Variants in SDK1 observed in about 807,000 individuals in gnomAD.
SDK1 encodes protein sidekick-1.
SDK1 carries 157 observed loss-of-function variants against 245.5 expected under a neutral mutation model. The ratio of observed to expected loss-of-function variants is 0.64; its 90% CI spans 0.56 to 0.73. SDK1 has a LOEUF of 0.73. Ranked by LOEUF, SDK1 falls within the 30% of genes least tolerant of loss-of-function variation. The probability of loss-of-function intolerance (pLI) is 0.00; values close to 1 mark genes in which losing one functional copy is unlikely to be tolerated. For missense variants in SDK1, 3,583 were observed against 3,002.3 expected, an observed-to-expected ratio of 1.19 and a Z score of -4.52; for synonymous variants, 1,647 against 1,278.5, an observed-to-expected ratio of 1.29 and a Z score of -6.15.
At chr7:3,399,482 A>G (rs370807833) in intron 1 of SDK1, among the ~76,000 whole-genome samples, 64 of 152,200 alleles carry the variant, frequency 4.2e-4, no homozygotes, top group Middle Eastern at 6.8e-3. Flanking sequence ...ACATTCCTAT[A>G]TCTTTGCATG....
chr7:3,918,917 C>G (rs183281105), intron 5 of SDK1, among the ~76,000 whole-genome samples: 8 of 152,320 alleles, frequency 5.3e-5, no homozygotes, highest in African/African-American at 1.9e-4. Flanking sequence ...CCACATTTCA[C>G]TGCTTTTCAG....
At chr7:3,962,547 C>G in intron 8 of SDK1, 110 bp from the exon 9 acceptor site, 1 of 988,056 alleles carries the variant, frequency 1.0e-6, no homozygotes, top group Non-Finnish European at 1.5e-6. Context: ...CACGAATACA[C>G]AAGAAAATGC....
intron 1 of SDK1, among the ~76,000 whole-genome samples, chr7:3,613,202 T>C (rs1050805966): frequency 2.0e-5 from 3 of 152,122 alleles, no homozygotes; most frequent in Non-Finnish European, 4.4e-5. Context: ...CCCCCTTTCT[T>C]GATGTTAGGG....
At chr7:4,063,457 A>G (rs1342922288) in intron 19 of SDK1, among the ~76,000 whole-genome samples, 1 of 152,194 alleles carries the variant, frequency 6.6e-6, no homozygotes, top group African/African-American at 2.4e-5. Flanking sequence ...GAAACTGAAG[A>G]AGACACAAGT....
chr7:4,222,405 C>T (rs910801918), intron 40 of SDK1, among the ~76,000 whole-genome samples: 1 of 152,198 alleles, frequency 6.6e-6, no homozygotes, highest in Non-Finnish European at 1.5e-5. Context: ...AGCAATTCTC[C>T]TGCCTCAGCC....
intron 5 of SDK1, among the ~76,000 whole-genome samples, chr7:3,886,992 C>T (rs1781353461): frequency 6.6e-6 from 1 of 152,192 alleles, no homozygotes; most frequent in South Asian, 2.1e-4. Flanking sequence ...TGAAGAGAAA[C>T]CAATGAGGCT....
At chr7:3,633,771 T>A (rs548748594) in intron 2 of SDK1, among the ~76,000 whole-genome samples, 34 of 152,302 alleles carry the variant, frequency 2.2e-4, no homozygotes, top group Non-Finnish European at 4.0e-4. Context: ...ACCAACTTTC[T>A]CTTGTGTGAG....
chr7:3,389,559 G>A (rs1227288146), intron 1 of SDK1, among the ~76,000 whole-genome samples: 2 of 152,136 alleles, frequency 1.3e-5, no homozygotes, highest in East Asian at 1.9e-4. Context: ...ATAAAGGTAT[G>A]TTATTTTAAG....
In SDK1 at chr7:3,755,910, CAT is replaced by C. The variant is rs368818176; in HGVS notation, c.714-65539_714-65538del. On this transcript the variant is annotated intron_variant, in intron 4 of 44. Coordinates refer to ENST00000404826, the MANE Select transcript of SDK1 (RefSeq NM_152744.4). ...TGTTGCATGTTTTGAATCTGACTCA[CAT>C]GGCATAGCACGTGTGACACATGTAT... is the stretch of plus-strand genomic sequence containing the variant. Among the ~76,000 whole-genome samples, 160 of 151,352 alleles carry C rather than the reference CAT, an allele frequency of 1.1e-3. 1 individual carries two copies. The highest frequency in any genetic ancestry group is 6.5e-3 in the South Asian group (31 of 4,756).
At chr7:3,977,540 C>A (rs1193256188) in intron 13 of SDK1, among the ~76,000 whole-genome samples, 1 of 152,264 alleles carries the variant, frequency 6.6e-6, no homozygotes, top group Non-Finnish European at 1.5e-5. Context: ...TGAGCCCCAG[C>A]CATCCACTGT....
intron 4 of SDK1, among the ~76,000 whole-genome samples, chr7:3,817,438 A>G (rs1454371973): frequency 6.6e-6 from 1 of 152,226 alleles, no homozygotes; most frequent in Non-Finnish European, 1.5e-5. Flanking sequence ...ATAGTGAAAC[A>G]GTTACTTGAT....
chr7:3,997,106 C>G (rs766663240), intron 14 of SDK1, among the ~76,000 whole-genome samples: 58 of 152,318 alleles, frequency 3.8e-4, no homozygotes, highest in Admixed American at 6.5e-4. Flanking sequence ...CTTCTTCTGA[C>G]TTCTGTCACC....
At chr7:3,893,085 C>G (rs1411617480) in intron 5 of SDK1, among the ~76,000 whole-genome samples, 1 of 152,194 alleles carries the variant, frequency 6.6e-6, no homozygotes, top group Non-Finnish European at 1.5e-5. Context: ...CCCTCTGACT[C>G]TGTTTCCTCA....
intron 4 of SDK1, among the ~76,000 whole-genome samples, chr7:3,721,418 A>C (rs1778793872): frequency 6.6e-6 from 1 of 152,014 alleles, no homozygotes; most frequent in African/African-American, 2.4e-5. Flanking sequence ...ATTTCTTTGA[A>C]CTCCTCGTAA....
Position 3,821,578 on chromosome 7 carries a change from T to C in SDK1, c.842T>C (p.Ile281Thr), listed in dbSNP as rs1191124053. 2 of 1,612,398 alleles carry C rather than the reference T, an allele frequency of 1.2e-6. No individual in the cohort carries two copies. The highest frequency in any genetic ancestry group is 1.3e-5 in the African/African-American group (1 of 74,826). ...NKTSPFIHLSIARDVGTPETM... is the reference protein window; with the variant it reads ...NKTSPFIHLSTARDVGTPETM... ...ACAAGCCCATTCATTCATTTGAGCA[T>C]AGCAAGTGAGTTTTGAAATCCCAAA... Residue 281 changes from isoleucine to threonine, a missense_variant, in exon 5 of 45, where the codon ATA (isoleucine) becomes ACA (threonine). By Grantham distance (89) the Ile-to-Thr change is moderately conservative. Coordinates refer to ENST00000404826, the MANE Select transcript of SDK1 (RefSeq NM_152744.4).
At chr7:3,843,727 A>G (rs181423850) in intron 5 of SDK1, among the ~76,000 whole-genome samples, 163 of 152,338 alleles carry the variant, frequency 1.1e-3, no homozygotes, top group Non-Finnish European at 2.4e-4. Context: ...CGATGAAGCC[A>G]TCGGGACGCT....
At chr7:3,816,259 A>C (rs1377876140) in intron 4 of SDK1, among the ~76,000 whole-genome samples, 2 of 152,062 alleles carry the variant, frequency 1.3e-5, no homozygotes, top group Admixed American at 1.3e-4. Context: ...GCAGAACTGA[A>C]GGAAAGAGAG....
rs1193435361 is a variant in SDK1 at position 3,962,678 on chromosome 7, A to G, written c.1256A>G (p.Gln419Arg). The change falls in exon 9 of 45, where the codon CAG becomes CGG. Residue 419 changes from glutamine (Q) to arginine (R), a missense_variant. Gln to Arg is a conservative substitution (Grantham distance 43, BLOSUM62 1). Transcript: ENST00000404826. Reference protein sequence around the residue: ...QAMGVPLPTLQWYKDAISISR... With the variant: ...QAMGVPLPTLRWYKDAISISR... Reference sequence around the variant, plus strand: ...GCAGGGGTCCCCCTTCCCACCCTCCAGTGGTACAAGGATGCCATCTCCATC... The same window carrying G: ...GCAGGGGTCCCCCTTCCCACCCTCCGGTGGTACAAGGATGCCATCTCCATC... The G allele has an allele frequency of 6.2e-7, 1 of 1,612,750 alleles. No individual in the cohort carries two copies. Among genetic ancestry groups the G allele is most frequent in the Admixed American group, 1.7e-5 (1 of 59,830 alleles).
At chr7:3,442,594 T>C (rs1780226255) in intron 1 of SDK1, among the ~76,000 whole-genome samples, 1 of 152,218 alleles carries the variant, frequency 6.6e-6, no homozygotes, top group South Asian at 2.1e-4. Context: ...ACTCTGCCCT[T>C]TTCTAACTTT....
Sources: gnomAD v4.1 joint callset for allele counts (sites outside exome capture counted in the v4.1 genomes callset) on GRCh38, gnomAD v4.1.1 for gene constraint, MANE v1.5 for transcripts, NCBI Gene and HGNC (gene_info 2026-07-23, HGNC 2026-07-21) for gene names.